BSN: variants seen among roughly 807,000 people sequenced by gnomAD.
BSN encodes the protein bassoon presynaptic cytomatrix protein, also known as protein bassoon.
BSN carries 57 observed loss-of-function variants against 264.8 expected under a neutral mutation model. The observed-to-expected ratio is 0.22, with a 90% CI of 0.17 to 0.27. The LOEUF is 0.27. Ranked by LOEUF, BSN falls within the 10% of genes least tolerant of loss-of-function variation. The pLI, the probability that BSN is intolerant of heterozygous loss-of-function variation, is 1.00. For missense variants in BSN, 4,615 were observed against 5,232.5 expected (o/e 0.88, Z 3.64); for synonymous variants, 2,059 against 2,137.3 (o/e 0.96, Z 1.01).
chr3:49,662,648 C>A, intron 6 of BSN, 86 bp downstream of exon 6: 1 of 1,515,156 alleles, frequency 6.6e-7, no homozygotes, highest in East Asian at 2.3e-5. Flanking sequence ...TAAGATGTCC[C>A]AGCAGGGTCT....
intron 1 of BSN, among the ~76,000 whole-genome samples, chr3:49,616,910 G>A (rs1325385626): frequency 6.6e-6 from 1 of 152,208 alleles, no homozygotes; most frequent in Non-Finnish European, 1.5e-5. Flanking sequence ...AGGCCACAGG[G>A]TACTAAGGAT....
intron 1 of BSN, among the ~76,000 whole-genome samples, chr3:49,570,146 C>A (rs2051784694): frequency 6.6e-6 from 1 of 152,234 alleles, no homozygotes; most frequent in Non-Finnish European, 1.5e-5. Flanking sequence ...CTGCTCCCCT[C>A]CTGTGCTGAA....
At chr3:49,664,209 T>G (rs1301692901) in intron 8 of BSN, among the ~76,000 whole-genome samples, 1 of 152,070 alleles carries the variant, frequency 6.6e-6, no homozygotes, top group Non-Finnish European at 1.5e-5. Flanking sequence ...TTTTTCCCTT[T>G]CTTCTTCTTT....
intron 1 of BSN, among the ~76,000 whole-genome samples, chr3:49,557,276 C>CT: frequency 6.6e-6 from 1 of 152,290 alleles, no homozygotes; most frequent in South Asian, 2.1e-4. Flanking sequence ...AAGCTGAACT[C>CT]TAACCCAGGC....
chr3:49,631,672 G>A (rs952325572), intron 2 of BSN, among the ~76,000 whole-genome samples: 6 of 152,194 alleles, frequency 3.9e-5, no homozygotes, highest in African/African-American at 7.2e-5. Flanking sequence ...GAGGGGATGT[G>A]CTTTGTTCAT....
chr3:49,620,356 C>G (rs751871455), intron 1 of BSN, among the ~76,000 whole-genome samples: 1 of 151,020 alleles, frequency 6.6e-6, no homozygotes, highest in Non-Finnish European at 1.5e-5. Flanking sequence ...ACCCGGGAGG[C>G]GGAGGTTGCC....
intron 2 of BSN, among the ~76,000 whole-genome samples, chr3:49,627,480 G>C (rs2052350086): frequency 6.6e-6 from 1 of 152,238 alleles, no homozygotes; most frequent in Non-Finnish European, 1.5e-5. Flanking sequence ...AACCAGTGCA[G>C]TTGCTCTTTG....
chr3:49,657,320 CGAT>C lies in BSN; in HGVS notation c.7767_7769del (p.Asp2589del). On this transcript the variant is annotated inframe_deletion, in exon 5 of 12. Coordinates refer to ENST00000296452, the MANE Select transcript of BSN (RefSeq NM_003458.4). ...TTGCCGACAGCAGCGTGCAGACAGA[CGAT>C]GAGGATGGGGAGAGCCGCTACCTCT... 6.2e-7 allele frequency: 1 copy of C among 1,613,466 alleles called. No homozygotes were observed. The highest frequency in any genetic ancestry group is 2.2e-5 in the East Asian group (1 of 44,884).
intron 1 of BSN, among the ~76,000 whole-genome samples, chr3:49,590,477 CT>C (rs1189387546): frequency 2.0e-5 from 3 of 151,622 alleles, no homozygotes; most frequent in Admixed American, 1.3e-4. Flanking sequence ...TAATTTACTA[CT>C]TTTTTTTATT....
intron 1 of BSN, among the ~76,000 whole-genome samples, chr3:49,557,608 C>T (rs531653910): frequency 3.0e-4 from 42 of 142,230 alleles, no homozygotes; most frequent in African/African-American, 1.0e-3. Context: ...GTTGGAGTCT[C>T]GCTCTGTCGC....
intron 1 of BSN, among the ~76,000 whole-genome samples, chr3:49,596,297 G>A (rs1020363021): frequency 2.0e-5 from 3 of 152,070 alleles, no homozygotes; most frequent in African/African-American, 7.2e-5. Flanking sequence ...CCAGCTACTC[G>A]GGAGGCTGAG....
intron 1 of BSN, among the ~76,000 whole-genome samples, chr3:49,567,889 A>G (rs2051766056): frequency 6.6e-6 from 1 of 152,156 alleles, no homozygotes; most frequent in South Asian, 2.1e-4. Context: ...CTCATCAATT[A>G]TATGTTTGAG....
intron 1 of BSN, 48 bp downstream of exon 1, chr3:49,554,874 G>A (rs751678052): frequency 1.6e-5 from 18 of 1,112,398 alleles, no homozygotes; most frequent in Middle Eastern, 3.4e-4. Context: ...GCAGCCTGAG[G>A]CCGGGACCCG....
chr3:49,556,220 T>G (rs2051670278), intron 1 of BSN, among the ~76,000 whole-genome samples: 1 of 152,186 alleles, frequency 6.6e-6, no homozygotes, highest in South Asian at 2.1e-4. Context: ...GAAAAACACC[T>G]TGTTATTGAG....
Position 49,661,780 on chromosome 3 carries a change from G to A in BSN, c.9935G>A (p.Gly3312Asp). 1 of 1,613,374 alleles carries A rather than the reference G, an allele frequency of 6.2e-7. No individual in the cohort carries two copies. Residue 3312 changes from glycine (G) to aspartate (D), a missense_variant, in exon 6 of 12, where the codon GGT becomes GAT. By Grantham distance (94) the Gly-to-Asp change is moderately conservative. Transcript: ENST00000296452. ...CACCTCCGGAGCATGGAGAGCAATG[G>A]TCGACCAGCCAGTACCCACTACTAT... ...GGHLRSMESN[G>D]RPASTHYYGD...
chr3:49,560,827 G>T (rs1053349594), intron 1 of BSN, among the ~76,000 whole-genome samples: 1 of 152,182 alleles, frequency 6.6e-6, no homozygotes, highest in South Asian at 2.1e-4. Flanking sequence ...CACTCTCTGT[G>T]GTTCCTTCTG....
Position 49,653,589 on chromosome 3 carries a change from C to T in BSN, c.4033C>T (p.His1345Tyr), listed in dbSNP as rs1295863993. ...TATTCCCGATGTCCGTGTCACTCAG[C>T]ATTTTGCAAAGGAGACTCAGGACCC... Reference protein sequence around the residue: ...RVIPDVRVTQHFAKETQDPLK... With the variant: ...RVIPDVRVTQYFAKETQDPLK... The change falls in exon 5 of 12, where the codon CAT becomes TAT. Residue 1345 changes from histidine (H) to tyrosine (Y), a missense_variant. This residue lies in a region of BSN where 3,415 missense variants were observed against 3,866.4 expected (regional missense o/e 0.88). Transcript: ENST00000296452. The surrounding 1 kb of genome is among the most constrained non-coding windows in gnomAD (Gnocchi z 6.3). 1 of 1,613,844 alleles carries T rather than the reference C, an allele frequency of 6.2e-7. No individual in the cohort carries two copies. The highest frequency in any genetic ancestry group is 8.5e-7 in the Non-Finnish European group (1 of 1,179,990).
At chr3:49,659,461 A>G (rs2052635883) in intron 5 of BSN, among the ~76,000 whole-genome samples, 1 of 152,210 alleles carries the variant, frequency 6.6e-6, no homozygotes, top group Non-Finnish European at 1.5e-5. Context: ...AATTTTTATT[A>G]TGACATATGG....
chr3:49,637,083 G>C (rs895385204), intron 2 of BSN, among the ~76,000 whole-genome samples: 2 of 152,236 alleles, frequency 1.3e-5, no homozygotes, highest in African/African-American at 4.8e-5. Context: ...TTTCTGTGAT[G>C]TTTCAACTTG....
Sources: allele counts gnomAD v4.1 joint callset (sites outside exome capture counted in the v4.1 genomes callset), GRCh38; gene constraint gnomAD v4.1.1; regional missense constraint gnomAD v4.1.1; non-coding constraint Gnocchi (gnomAD v3.1); transcripts MANE v1.5; gene names NCBI Gene and HGNC (gene_info 2026-07-23, HGNC 2026-07-21).